Variants in PAK5 observed in about 807,000 individuals in gnomAD.
PAK5 encodes the protein p21 (RAC1) activated kinase 5, also known as serine/threonine-protein kinase PAK 5.
In PAK5, 16 loss-of-function variants were observed where a neutral mutation model predicts 65.9. That is an observed-to-expected ratio of 0.24 (90% CI 0.16 to 0.37). The LOEUF (loss-of-function observed/expected upper bound fraction) is 0.37, where lower values mean the gene tolerates loss of function less well. PAK5 is among the 10% of genes least tolerant of loss of function. The pLI is 1.00. For missense variants in PAK5, 785 were observed against 903.9 expected, an observed-to-expected ratio of 0.87 and a Z score of 1.69; for synonymous variants, 371 against 354.9, an observed-to-expected ratio of 1.05 and a Z score of -0.51.
At chr20:9,723,278 G>A (rs372268374) in intron 1 of PAK5, among the ~76,000 whole-genome samples, 1 of 152,212 alleles carries the variant, frequency 6.6e-6, no homozygotes, top group East Asian at 1.9e-4. Context: ...AGTGAGACGT[G>A]GTTCAATTCT....
chr20:9,709,811 T>C (rs951479964), intron 2 of PAK5, among the ~76,000 whole-genome samples: 1 of 152,182 alleles, frequency 6.6e-6, no homozygotes, highest in Admixed American at 6.5e-5. Flanking sequence ...ACTTGAGGGT[T>C]GTCCACCCTC....
intron 1 of PAK5, among the ~76,000 whole-genome samples, chr20:9,766,814 AT>A (rs1459454504): frequency 6.6e-6 from 1 of 152,198 alleles, no homozygotes. Flanking sequence ...TACTAATGAT[AT>A]TCTGCTTTTT....
chr20:9,646,892 C>T (rs2047142013), intron 2 of PAK5, among the ~76,000 whole-genome samples: 1 of 152,208 alleles, frequency 6.6e-6, no homozygotes, highest in Admixed American at 6.5e-5. Context: ...AGCAGAGCTG[C>T]CCAGCTGACC....
intron 3 of PAK5, among the ~76,000 whole-genome samples, chr20:9,596,822 C>A (rs1211356626): frequency 3.3e-5 from 5 of 151,952 alleles, no homozygotes; most frequent in Admixed American, 2.6e-4. Flanking sequence ...GTTGAAAACC[C>A]GTGTCCTAAT....
chr20:9,628,640 ATAG>A lies in PAK5; in HGVS notation c.204+15482_204+15484del, dbSNP rs541293372. Among the ~76,000 whole-genome samples the A allele has an allele frequency of 2.1e-3, 319 of 152,318 alleles. 1 individual carries two copies. Among genetic ancestry groups the A allele is most frequent in the African/African-American group, 7.4e-3 (307 of 41,568 alleles). ...ATACTGTTGTTTTTTCTCTCAGAACATAGTAGGTGCACAATAAACATCTGTTAA... is the reference window on the plus strand; with the variant it reads ...ATACTGTTGTTTTTTCTCTCAGAACATAGGTGCACAATAAACATCTGTTAA... On this transcript the variant is annotated intron_variant, in intron 3 of 9. Coordinates refer to ENST00000353224, the MANE Select transcript of PAK5 (RefSeq NM_177990.4).
intron 3 of PAK5, among the ~76,000 whole-genome samples, chr20:9,609,611 G>A (rs1298394931): frequency 6.6e-6 from 1 of 152,146 alleles, no homozygotes; most frequent in African/African-American, 2.4e-5. Context: ...AGCCACCAGT[G>A]GTCAAAGCCA....
At chr20:9,818,652 T>G (rs2049385464) in intron 1 of PAK5, 1 of 152,186 alleles carries the variant, frequency 6.6e-6, no homozygotes, top group South Asian at 2.1e-4. Context: ...AATCTCTGAA[T>G]GGATGAAAAT....
At chr20:9,597,753 T>C (rs995759115) in intron 3 of PAK5, among the ~76,000 whole-genome samples, 1 of 152,180 alleles carries the variant, frequency 6.6e-6, no homozygotes, top group African/African-American at 2.4e-5. Context: ...GGTTACCATG[T>C]GTACAAGTCT....
chr20:9,547,503 AAC>A (rs1202622020), intron 7 of PAK5, among the ~76,000 whole-genome samples: 3 of 152,208 alleles, frequency 2.0e-5, no homozygotes, highest in Non-Finnish European at 4.4e-5. Context: ...AGTAAGCCAA[AAC>A]ACAGAAGTGG....
At chr20:9,784,084 T>C (rs1600370636) in intron 1 of PAK5, among the ~76,000 whole-genome samples, 1 of 152,172 alleles carries the variant, frequency 6.6e-6, no homozygotes, top group African/African-American at 2.4e-5. Flanking sequence ...CTCTGAATAA[T>C]CTACAATGAT....
At chr20:9,677,045 ATGTGTGTGTGTG>A (rs4053117) in intron 2 of PAK5, among the ~76,000 whole-genome samples, 90 of 141,228 alleles carry the variant, frequency 6.4e-4, no homozygotes, top group African/African-American at 1.9e-3. Flanking sequence ...GGGTATGTGC[ATGTGTGTGTGTG>A]TGTGTGTGTG....
chr20:9,803,059 A>G (rs1049191658), intron 1 of PAK5, among the ~76,000 whole-genome samples: 4 of 151,462 alleles, frequency 2.6e-5, no homozygotes, highest in Admixed American at 1.3e-4. Context: ...TCAAGTCAGA[A>G]AATCACAACT....
intron 6 of PAK5, among the ~76,000 whole-genome samples, chr20:9,558,429 C>T (rs897862707): frequency 3.3e-5 from 5 of 152,076 alleles, no homozygotes; most frequent in Non-Finnish European, 7.4e-5. Flanking sequence ...GAACTCTTAA[C>T]AGATAATTCC....
intron 2 of PAK5, among the ~76,000 whole-genome samples, chr20:9,650,912 A>G (rs1280731482): frequency 6.6e-6 from 1 of 152,146 alleles, no homozygotes; most frequent in African/African-American, 2.4e-5. Context: ...TTTTAAAAAT[A>G]TTTTTGTTGC....
intron 3 of PAK5, among the ~76,000 whole-genome samples, chr20:9,622,717 T>C (rs775186395): frequency 6.6e-5 from 10 of 152,168 alleles, no homozygotes; most frequent in Non-Finnish European, 1.2e-4. Flanking sequence ...GTGAGGGATC[T>C]AGGTTGTGTG....
intron 2 of PAK5, among the ~76,000 whole-genome samples, chr20:9,701,300 T>TA (rs1367696303): frequency 6.6e-5 from 10 of 152,166 alleles, no homozygotes; most frequent in African/African-American, 1.4e-4. Flanking sequence ...ATCATGTTTC[T>TA]AAAAAATGAC....
chr20:9,604,707 C>G lies in PAK5; in HGVS notation c.205-23777G>C, dbSNP rs184391041. On this transcript the variant is annotated intron_variant, in intron 3 of 9. Coordinates refer to ENST00000353224, the MANE Select transcript of PAK5 (RefSeq NM_177990.4). ...AGCTTGATCTGCTTTGTCCCTTTGC[C>G]ACCCACACACCAAAATGACACCTCT... Among the ~76,000 whole-genome samples, 11 of 152,292 alleles carry G rather than the reference C, an allele frequency of 7.2e-5. No individual in the cohort carries two copies. In the East Asian group the frequency reaches 2.1e-3, roughly 29 times the overall value.
rs189224297 is a variant in PAK5, at chr20:9,776,757, T to A, written c.-162+62005A>T. 8.5e-5 allele frequency among the ~76,000 whole-genome samples: 13 copies of A among 152,204 alleles called. No homozygotes were observed. In the East Asian group the frequency reaches 1.9e-3, roughly 23 times the overall value. ...CCTCCCACCAACCCCCAAGCCCCAG[T>A]TAAATCTTCAGATGAGACCGTAGCC... On this transcript the variant is annotated intron_variant, in intron 1 of 9. Coordinates refer to ENST00000353224, the MANE Select transcript of PAK5 (RefSeq NM_177990.4).
At chr20:9,779,894 A>AT (rs1356474314) in intron 1 of PAK5, among the ~76,000 whole-genome samples, 1 of 152,098 alleles carries the variant, frequency 6.6e-6, no homozygotes, top group Non-Finnish European at 1.5e-5. Flanking sequence ...CACAAAAAGC[A>AT]TAAATCTTGA....
Sources: allele counts gnomAD v4.1 joint callset (sites outside exome capture counted in the v4.1 genomes callset), GRCh38; gene constraint gnomAD v4.1.1; transcripts MANE v1.5; gene names NCBI Gene and HGNC (gene_info 2026-07-23, HGNC 2026-07-21).